PPFIBP1: variants seen among roughly 807,000 people sequenced by gnomAD.
PPFIBP1 encodes liprin-beta-1.
Under a neutral mutation model 137.8 loss-of-function variants are expected in PPFIBP1, and 112 were observed. That is an observed-to-expected ratio of 0.81 (90% CI 0.70 to 0.95). The LOEUF is 0.95. Ranked by LOEUF, PPFIBP1 falls within the 40% of genes least tolerant of loss-of-function variation. The probability of loss-of-function intolerance (pLI) is 0.00; values close to 1 mark genes in which losing one functional copy is unlikely to be tolerated. For synonymous variants in PPFIBP1, 378 were observed against 417.3 expected (o/e 0.91, Z 1.15); for missense variants, 1,083 against 1,196.6 (o/e 0.91, Z 1.40).
At chr12:27,526,325 A>C (rs1480181867) in intron 1 of PPFIBP1, among the ~76,000 whole-genome samples, 1 of 152,138 alleles carries the variant, frequency 6.6e-6, no homozygotes, top group Non-Finnish European at 1.5e-5. Context: ...AATATACCAA[A>C]ACTCTAAATT....
intron 2 of PPFIBP1, among the ~76,000 whole-genome samples, chr12:27,606,013 A>G (rs115663302): frequency 0.018 from 2,809 of 152,280 alleles, 90 homozygotes; most frequent in African/African-American, 0.064. Context: ...GTGTGTTTCC[A>G]TTACACAGCT....
intron 2 of PPFIBP1, chr12:27,592,471 C>CTAT: frequency 9.3e-7 from 1 of 1,077,000 alleles, no homozygotes; most frequent in East Asian, 2.5e-5. Flanking sequence ...TATAGGATGT[C>CTAT]CTAATTCAAG....
intron 1 of PPFIBP1, among the ~76,000 whole-genome samples, chr12:27,529,981 T>C (rs904193975): frequency 2.0e-5 from 3 of 152,182 alleles, no homozygotes; most frequent in African/African-American, 7.2e-5. Context: ...TCTACACAAA[T>C]ATTATCTTAC....
intron 2 of PPFIBP1, among the ~76,000 whole-genome samples, chr12:27,631,302 G>T (rs7358588): frequency 0.58 from 87,629 of 152,000 alleles, 25,781 homozygotes; most frequent in Non-Finnish European, 0.6. Context: ...GGACGATTTT[G>T]ATTTGACTAC....
At chr12:27,599,638 A>G (rs2137673475) in intron 2 of PPFIBP1, among the ~76,000 whole-genome samples, 1 of 151,754 alleles carries the variant, frequency 6.6e-6, no homozygotes, top group East Asian at 1.9e-4. Flanking sequence ...ATAGCTATTT[A>G]TTTTTCATTA....
chr12:27,675,089 A>G (rs929417248), intron 17 of PPFIBP1, among the ~76,000 whole-genome samples: 4 of 149,968 alleles, frequency 2.7e-5, no homozygotes, highest in African/African-American at 4.9e-5. Flanking sequence ...TAATCCTCCC[A>G]CCTCTGCCTT....
intron 2 of PPFIBP1, among the ~76,000 whole-genome samples, chr12:27,631,741 A>G (rs1035374841): frequency 4.6e-5 from 7 of 151,898 alleles, no homozygotes; most frequent in African/African-American, 1.7e-4. Context: ...TATTGTACCT[A>G]TCGGACTTGA....
At chr12:27,685,131 G>A (rs928487535) in intron 24 of PPFIBP1, among the ~76,000 whole-genome samples, 1 of 151,516 alleles carries the variant, frequency 6.6e-6, no homozygotes, top group Non-Finnish European at 1.5e-5. Context: ...GCTTGAATTT[G>A]TTCACATATA....
At chr12:27,536,258 G>T (rs1292678806) in intron 1 of PPFIBP1, among the ~76,000 whole-genome samples, 1 of 152,208 alleles carries the variant, frequency 6.6e-6, no homozygotes, top group African/African-American at 2.4e-5. Flanking sequence ...AGGAATGGTG[G>T]CTGTACATAT....
intron 25 of PPFIBP1, 178 bp from the exon 26 acceptor site, chr12:27,688,120 G>T: frequency 2.9e-6 from 2 of 686,208 alleles, no homozygotes; most frequent in South Asian, 2.2e-5. Flanking sequence ...CTAAAGCAAT[G>T]CTTTATTAGT....
chr12:27,533,438 A>G (rs901650290), intron 1 of PPFIBP1, among the ~76,000 whole-genome samples: 7 of 152,186 alleles, frequency 4.6e-5, no homozygotes, highest in African/African-American at 1.7e-4. Flanking sequence ...TCTGAGGCAC[A>G]AGGAGGCTAA....
chr12:27,676,023 T>C (rs2060486902), intron 17 of PPFIBP1, among the ~76,000 whole-genome samples: 1 of 152,212 alleles, frequency 6.6e-6, no homozygotes, highest in Non-Finnish European at 1.5e-5. Flanking sequence ...AATATAAGAA[T>C]ATGAACTGTA....
intron 2 of PPFIBP1, among the ~76,000 whole-genome samples, chr12:27,621,863 C>A (rs530340587): frequency 6.6e-6 from 1 of 152,288 alleles, no homozygotes; most frequent in South Asian, 2.1e-4. Flanking sequence ...GACCATGTGA[C>A]AAACTGAAAC....
At chr12:27,686,484 A>AAT (rs2061208223) in intron 24 of PPFIBP1, among the ~76,000 whole-genome samples, 2 of 152,124 alleles carry the variant, frequency 1.3e-5, no homozygotes, top group Non-Finnish European at 2.9e-5. Flanking sequence ...GTTGATTGGT[A>AAT]ATATATATAT....
At position 27,656,625 on chromosome 12, in the gene PPFIBP1, G is replaced by C. The variant is rs773186244; in HGVS notation, c.706G>C (p.Ala236Pro). 60 of 1,599,738 alleles carry C rather than the reference G, an allele frequency of 3.8e-5. No homozygotes were observed. Among genetic ancestry groups the C allele is most frequent in the East Asian group, 1.3e-4 (6 of 44,760 alleles). Residue 236 changes from alanine to proline, a missense_variant, in exon 9 of 30, where the codon GCA becomes CCA. Transcript: ENST00000228425. ...KKLKSTKDEL[A>P]SLKEQLEEKE... ...AATTTGTAACTTGTAGGATGAACTG[G>C]CATCTTTAAAAGAACAACTAGAAGA...
chr12:27,572,465 G>A (rs2050227860), intron 1 of PPFIBP1, among the ~76,000 whole-genome samples: 1 of 152,078 alleles, frequency 6.6e-6, no homozygotes, highest in East Asian at 1.9e-4. Context: ...ATTTTACTGT[G>A]GAAAATAAAA....
At chr12:27,536,048 C>G (rs80151245) in intron 1 of PPFIBP1, among the ~76,000 whole-genome samples, 1 of 152,318 alleles carries the variant, frequency 6.6e-6, no homozygotes, top group Non-Finnish European at 1.5e-5. Context: ...AAAGACATTT[C>G]TGTATGCAAT....
At chr12:27,677,882 A>T (rs1483013341) in intron 19 of PPFIBP1, 1 of 152,248 alleles carries the variant, frequency 6.6e-6, no homozygotes, top group Non-Finnish European at 1.5e-5. Context: ...CCTTGTATAG[A>T]TATCCACCTA....
intron 1 of PPFIBP1, among the ~76,000 whole-genome samples, chr12:27,551,031 C>T (rs1186063911): frequency 6.7e-6 from 1 of 149,262 alleles, no homozygotes; most frequent in African/African-American, 2.5e-5. Flanking sequence ...GAGATAGGTA[C>T]TCTTATTCCC....
Sources: allele counts gnomAD v4.1 joint callset (sites outside exome capture counted in the v4.1 genomes callset), GRCh38; gene constraint gnomAD v4.1.1; transcripts MANE v1.5; gene names NCBI Gene and HGNC (gene_info 2026-07-23, HGNC 2026-07-21).